Variants in CLSTN2 observed in about 807,000 individuals in gnomAD.
CLSTN2 encodes the protein calsyntenin 2.
In CLSTN2, 48 loss-of-function variants were observed where a neutral mutation model predicts 101.2. The ratio of observed to expected loss-of-function variants is 0.47; its 90% confidence interval spans 0.38 to 0.60. The LOEUF is 0.60. CLSTN2 is among the 20% of genes least tolerant of loss of function. The pLI is 0.00. For synonymous variants in CLSTN2, 481 were observed against 463.6 expected, an observed-to-expected ratio of 1.04 and a Z score of -0.48; for missense variants, 1,160 against 1,238.2, an observed-to-expected ratio of 0.94 and a Z score of 0.95.
At chr3:140,490,373 A>G (rs981927137) in intron 8 of CLSTN2, among the ~76,000 whole-genome samples, 37 of 151,312 alleles carry the variant, frequency 2.4e-4, no homozygotes, top group African/African-American at 9.0e-4. Context: ...ACACATCCCC[A>G]GAAGCAGCAC....
intron 1 of CLSTN2, among the ~76,000 whole-genome samples, chr3:140,036,323 C>T (rs2007651911): frequency 1.3e-5 from 2 of 152,140 alleles, no homozygotes; most frequent in African/African-American, 4.8e-5. Context: ...TATAGTCCAG[C>T]CCCAAATCCA....
rs562611599 is a variant in CLSTN2, at chr3:140,176,418, G to A, written c.232+345G>A. 9.9e-5 allele frequency among the ~76,000 whole-genome samples: 15 copies of A among 152,242 alleles called. 1 individual carries two copies. In the South Asian group the frequency reaches 2.3e-3, roughly 23 times the overall value. On this transcript the variant is annotated intron_variant, in intron 2 of 16. Coordinates refer to ENST00000458420, the MANE Select transcript of CLSTN2 (RefSeq NM_022131.3). The stretch of plus-strand genomic sequence containing the variant: ...CCCATAGAGAGAAGACCTATTGGCC[G>A]ACTACCCACATGTAATTGATAAGTG...
intron 5 of CLSTN2, among the ~76,000 whole-genome samples, chr3:140,441,819 A>G (rs754549108): frequency 2.6e-5 from 4 of 152,180 alleles, no homozygotes; most frequent in African/African-American, 9.7e-5. Flanking sequence ...CCAGCACCCA[A>G]GGTCCTTGTC....
intron 1 of CLSTN2, among the ~76,000 whole-genome samples, chr3:140,095,502 G>A (rs2008854798): frequency 6.6e-6 from 1 of 152,178 alleles, no homozygotes; most frequent in African/African-American, 2.4e-5. Flanking sequence ...TGCCATTAGT[G>A]GAGAACTGGA....
intron 1 of CLSTN2, among the ~76,000 whole-genome samples, chr3:140,035,277 C>G (rs1310206964): frequency 6.6e-6 from 1 of 152,210 alleles, no homozygotes; most frequent in Admixed American, 6.5e-5. Flanking sequence ...CCCAGTGGTA[C>G]CTTGTCAAGG....
rs371605430 is a variant in CLSTN2 at position 140,395,717 on chromosome 3, C to T, written c.233-7912C>T. 2.0e-5 allele frequency among the ~76,000 whole-genome samples: 3 copies of T among 152,046 alleles called. No homozygotes were observed. The East Asian group carries it at 5.8e-4, about 29-fold the overall frequency. ...AAAGTGATATTCTGGACATGATTACCTCTTGATGTGATTGGCACTTTTCCT... is the reference window on the plus strand; with the variant it reads ...AAAGTGATATTCTGGACATGATTACTTCTTGATGTGATTGGCACTTTTCCT... On this transcript the variant is annotated intron_variant, in intron 2 of 16. Coordinates refer to ENST00000458420, the MANE Select transcript of CLSTN2 (RefSeq NM_022131.3).
At chr3:140,253,152 C>A (rs1303826376) in intron 2 of CLSTN2, among the ~76,000 whole-genome samples, 4 of 152,128 alleles carry the variant, frequency 2.6e-5, no homozygotes, top group Non-Finnish European at 5.9e-5. Flanking sequence ...AAGGTCAAGG[C>A]AGAGGGATAG....
Position 140,553,911 on chromosome 3 carries a change from A to G in CLSTN2, c.1675-2602A>G, listed in dbSNP as rs980503295. Reference sequence around the variant, plus strand: ...ACTCCCACAGCGCTTCACTAAAAAGACAAGTGAAAGAAAAAAGTCCTTTTG... The same window carrying G: ...ACTCCCACAGCGCTTCACTAAAAAGGCAAGTGAAAGAAAAAAGTCCTTTTG... On this transcript the variant is annotated intron_variant, in intron 10 of 16. Coordinates refer to ENST00000458420, the MANE Select transcript of CLSTN2 (RefSeq NM_022131.3). Among the ~76,000 whole-genome samples, 8 of 152,288 alleles carry G rather than the reference A, an allele frequency of 5.3e-5. No homozygotes were observed. In the East Asian group the frequency reaches 1.5e-3, roughly 29 times the overall value.
chr3:140,356,814 A>AC (rs1418631838), intron 2 of CLSTN2, among the ~76,000 whole-genome samples: 1 of 152,098 alleles, frequency 6.6e-6, no homozygotes, highest in African/African-American at 2.4e-5. Context: ...TACAGTTCTA[A>AC]ATTTTGTATT....
intron 2 of CLSTN2, among the ~76,000 whole-genome samples, chr3:140,243,098 A>G (rs2086484992): frequency 6.6e-6 from 1 of 152,174 alleles, no homozygotes; most frequent in Non-Finnish European, 1.5e-5. Context: ...GTCAAGTCCC[A>G]CTTTCCAAAC....
chr3:140,246,999 A>T (rs1335794184), intron 2 of CLSTN2, among the ~76,000 whole-genome samples: 1 of 152,198 alleles, frequency 6.6e-6, no homozygotes, highest in Non-Finnish European at 1.5e-5. Context: ...TGGGGGCCAT[A>T]GTTATGGACT....
intron 1 of CLSTN2, among the ~76,000 whole-genome samples, chr3:140,038,201 A>G (rs1396997597): frequency 6.6e-6 from 1 of 152,190 alleles, no homozygotes; most frequent in Non-Finnish European, 1.5e-5. Context: ...CAACCTTGCC[A>G]GCATCTGTTG....
At chr3:140,207,670 C>G (rs1267746387) in intron 2 of CLSTN2, among the ~76,000 whole-genome samples, 1 of 152,134 alleles carries the variant, frequency 6.6e-6, no homozygotes, top group Non-Finnish European at 1.5e-5. Context: ...TGAAAATCCT[C>G]CTGTGTACAT....
chr3:140,170,833 T>C (rs770046137), intron 1 of CLSTN2, among the ~76,000 whole-genome samples: 5 of 152,144 alleles, frequency 3.3e-5, no homozygotes, highest in Non-Finnish European at 5.9e-5. Flanking sequence ...GGCATCACCA[T>C]CAGCATTTTA....
chr3:140,018,798 G>C (rs773895444), intron 1 of CLSTN2, among the ~76,000 whole-genome samples: 1 of 152,174 alleles, frequency 6.6e-6, no homozygotes, highest in Non-Finnish European at 1.5e-5. Context: ...AGTCACTCAA[G>C]ATAAGGAGAT....
At chr3:140,128,293 A>C (rs1448557475) in intron 1 of CLSTN2, among the ~76,000 whole-genome samples, 2 of 152,230 alleles carry the variant, frequency 1.3e-5, no homozygotes, top group African/African-American at 4.8e-5. Flanking sequence ...CCAGTCAGGC[A>C]ATTTCCACCC....
intron 9 of CLSTN2, among the ~76,000 whole-genome samples, chr3:140,534,821 T>G (rs937040690): frequency 6.6e-6 from 1 of 152,234 alleles, no homozygotes; most frequent in African/African-American, 2.4e-5. Flanking sequence ...GTATTAACAT[T>G]GATGAACACC....
chr3:140,116,496 TC>T (rs1437600414), intron 1 of CLSTN2, among the ~76,000 whole-genome samples: 1 of 152,102 alleles, frequency 6.6e-6, no homozygotes, highest in Non-Finnish European at 1.5e-5. Flanking sequence ...GGACTGGTTT[TC>T]TCCTTTTGAA....
intron 2 of CLSTN2, among the ~76,000 whole-genome samples, chr3:140,216,371 G>A (rs1460815217): frequency 6.6e-6 from 1 of 152,188 alleles, no homozygotes; most frequent in Non-Finnish European, 1.5e-5. Flanking sequence ...AGGAAGTACA[G>A]CACTAACGTG....
Sources: allele counts gnomAD v4.1 joint callset (sites outside exome capture counted in the v4.1 genomes callset), GRCh38; gene constraint gnomAD v4.1.1; transcripts MANE v1.5; gene names NCBI Gene and HGNC (gene_info 2026-07-23, HGNC 2026-07-21).